MPZ: variants seen among roughly 807,000 people sequenced by gnomAD.
MPZ encodes myelin protein zero, also known as myelin protein P0.
Under a neutral mutation model 27.9 loss-of-function variants are expected in MPZ, and 13 were observed. The observed-to-expected ratio is 0.47, with a 90% CI of 0.30 to 0.74. The LOEUF (loss-of-function observed/expected upper bound fraction) is 0.74, where lower values mean the gene tolerates loss of function less well. Among genes scored for constraint, MPZ ranks in the 30% least tolerant of loss-of-function variants. The pLI, the probability that MPZ is intolerant of heterozygous loss-of-function variation, is 0.06. For synonymous variants in MPZ, 118 were observed against 128.9 expected (o/e 0.92, Z 0.57); for missense variants, 256 against 317.5 (o/e 0.81, Z 1.47).
intron 1 of MPZ, among the ~76,000 whole-genome samples, chr1:161,309,552 A>ATATTTTTTTTTTTTTTTT: frequency 5.2e-4 from 42 of 80,632 alleles, no homozygotes; most frequent in African/African-American, 9.8e-4. Context: ...ATATATATAT[A>ATATTTTTTTTTTTTTTTT]TTTTTTTTTT....
chr1:161,308,207 T>C (rs1346498552), intron 1 of MPZ, among the ~76,000 whole-genome samples: 1 of 152,188 alleles, frequency 6.6e-6, no homozygotes, highest in Non-Finnish European at 1.5e-5. Context: ...CTGTCCTCAT[T>C]GCTGAATCCC....
chr1:161,306,251 TC>T, intron 4 of MPZ, 77 bp downstream of exon 4: 1 of 1,611,648 alleles, frequency 6.2e-7, no homozygotes, highest in Non-Finnish European at 8.5e-7. Context: ...CCCTTGGCCC[TC>T]CCACCCACTG....
chr1:161,309,728 T>C lies in MPZ; in HGVS notation c.67+111A>G, dbSNP rs11579939. ...CTTTCTGAATATAATGTCACCTTCC[T>C]GCTCCTGCTTGTTCTTTCTTTGGTT... On this transcript the variant is annotated intron_variant, in intron 1 of 5. Coordinates refer to ENST00000533357, the MANE Select transcript of MPZ (RefSeq NM_000530.8). The C allele has an allele frequency of 0.091, 81,016 of 892,702 alleles. 4,239 individuals carry two copies. Among genetic ancestry groups the C allele is most frequent in the Non-Finnish European group, 0.11 (59,578 of 547,616 alleles). 55.3% of individuals were successfully genotyped at this position (892,702 alleles called of 1,614,324 possible). A position where few individuals can be genotyped will look rare whatever the true frequency, so the allele number is the denominator to read the frequency against.
chr1:161,306,450 C>T lies in MPZ; in HGVS notation c.463G>A (p.Gly155Arg). ...YVFEKVPTRY[G>R]VVLGAVIGGV... ...CCGATCACAGCTCCCAGAACGACCC[C>T]GTACCTAGTTGGCACTAGGAGGGGT... is the stretch of plus-strand genomic sequence containing the variant. Residue 155 changes from glycine to arginine, a missense_variant, in exon 4 of 6, where the codon GGG (glycine) becomes AGG (arginine). This residue lies in a region of MPZ where 155 missense variants were observed against 223.9 expected (regional missense o/e 0.69). Coordinates refer to ENST00000533357, the MANE Select transcript of MPZ (RefSeq NM_000530.8). 1 of 1,614,174 alleles carries T rather than the reference C, an allele frequency of 6.2e-7. No individual in the cohort carries two copies. The highest frequency in any genetic ancestry group is 1.1e-5 in the South Asian group (1 of 91,084).
chr1:161,307,148 T>G, intron 2 of MPZ, 110 bp downstream of exon 2: 1 of 1,422,314 alleles, frequency 7.0e-7, no homozygotes, highest in Non-Finnish European at 9.7e-7. Context: ...TTGCCAAAGT[T>G]GGGGTTATGG....
At chr1:161,308,916 T>C (rs1324759988) in intron 1 of MPZ, among the ~76,000 whole-genome samples, 1 of 152,092 alleles carries the variant, frequency 6.6e-6, no homozygotes, top group African/African-American at 2.4e-5. Context: ...CTCAAGCAGC[T>C]GACAGCAGAG....
chr1:161,305,897 C>G lies in MPZ; in HGVS notation c.726G>C (p.Glu242Asp), dbSNP rs1236831552. Residue 242 changes from glutamate to aspartate, a missense_variant, in exon 6 of 6, where the codon GAG becomes GAC. Physicochemically the swap from Glu to Asp is conservative, Grantham distance 45. Around this residue, in one of 2 missense-constraint regions of MPZ, gnomAD observed 101 missense variants for 93.6 expected, o/e 1.08. Transcript: ENST00000533357. ...ACCGCTATTTCTTATCCTTGCGAGA[C>G]TCCCCCAGCCCCTTGGCCTTCTTCT... ...VSEKKAKGLGESRKDKK is the reference protein window; with the variant it reads ...VSEKKAKGLGDSRKDKK 1.9e-6 allele frequency: 3 copies of G among 1,613,566 alleles called. No individual in the cohort carries two copies. The highest frequency in any genetic ancestry group is 8.5e-7 in the Non-Finnish European group (1 of 1,179,746).
At position 161,305,853 on chromosome 1, in the gene MPZ, TC is replaced by T; in HGVS notation, c.*22del. Reference sequence around the variant, plus strand: ...GGCGGACTCCACCCCTAACCCCCGATCCCCCGCCCGGCCCGCTAACCGCTAT... The same window carrying T: ...GGCGGACTCCACCCCTAACCCCCGATCCCCGCCCGGCCCGCTAACCGCTAT... On this transcript the variant is annotated 3_prime_UTR_variant, in exon 6 of 6. Coordinates refer to ENST00000533357, the MANE Select transcript of MPZ (RefSeq NM_000530.8). The T allele has an allele frequency of 7.1e-7, 1 of 1,413,986 alleles. No homozygotes were observed. Among genetic ancestry groups the T allele is most frequent in the Non-Finnish European group, 9.9e-7 (1 of 1,008,938 alleles). 87.6% of individuals were successfully genotyped at this position (1,413,986 alleles called of 1,614,324 possible). A position where few individuals can be genotyped will look rare whatever the true frequency, so the allele number is the denominator to read the frequency against.
chr1:161,306,554 A>G (rs1474306591), intron 3 of MPZ, 90 bp from the exon 4 acceptor site: 3 of 1,586,944 alleles, frequency 1.9e-6, no homozygotes, highest in Non-Finnish European at 8.7e-7. Context: ...TTGAGGATGT[A>G]GGACTCCCAG....
intron 3 of MPZ, 46 bp from the exon 4 acceptor site, chr1:161,306,510 A>G: frequency 6.2e-7 from 1 of 1,613,580 alleles, no homozygotes; most frequent in Non-Finnish European, 8.5e-7. Context: ...AGGGCCCTGT[A>G]TCTGTGGTTC....
At chr1:161,306,243 C>T in intron 4 of MPZ, 75 bp from the exon 5 acceptor site, 2 of 1,612,300 alleles carry the variant, frequency 1.2e-6, no homozygotes, top group South Asian at 1.1e-5. Context: ...TCCTCTTCCC[C>T]TTGGCCCTCC....
chr1:161,305,758 C>G lies in MPZ; in HGVS notation c.*118G>C. 1.4e-6 allele frequency: 1 copy of G among 727,136 alleles called. No individual in the cohort carries two copies. The highest frequency in any genetic ancestry group is 2.3e-6 in the Non-Finnish European group (1 of 438,556). The allele number at this position is 727,136 out of a possible 1,614,324, so 45.0% of individuals were successfully genotyped here. A position where few individuals can be genotyped will look rare whatever the true frequency, so the allele number is the denominator to read the frequency against. On this transcript the variant is annotated 3_prime_UTR_variant, in exon 6 of 6. Transcript: ENST00000533357. The stretch of plus-strand genomic sequence containing the variant: ...CTGGTTCTGCTGGGGGACTTGACAG[C>G]AGGCCGGAGCTCCGGGCTCTGCTCA...
In MPZ at chr1:161,305,783, A is replaced by G; in HGVS notation, c.*93T>C. The G allele has an allele frequency of 1.1e-6, 1 of 948,192 alleles. No individual in the cohort carries two copies. The highest frequency in any genetic ancestry group is 1.6e-6 in the Non-Finnish European group (1 of 617,638). The allele number at this position is 948,192 out of a possible 1,614,324, so 58.7% of individuals were successfully genotyped here. On this transcript the variant is annotated 3_prime_UTR_variant, in exon 6 of 6. Transcript: ENST00000533357. ...CAGGCCGGAGCTCCGGGCTCTGCTC[A>G]TCCTTTCGTAGCTCCATCTCGATGA...
chr1:161,306,543 AT>A, intron 3 of MPZ, 79 bp from the exon 4 acceptor site: 1 of 1,596,450 alleles, frequency 6.3e-7, no homozygotes, highest in Non-Finnish European at 8.6e-7. Context: ...TATGCCCTGC[AT>A]TGAGGATGTA....
chr1:161,309,552 A>ATATATTTTTTTTTTTTTTTTTTT, intron 1 of MPZ, among the ~76,000 whole-genome samples: 3 of 80,666 alleles, frequency 3.7e-5, no homozygotes, highest in Admixed American at 1.3e-4. Flanking sequence ...ATATATATAT[A>ATATATTTTTTTTTTTTTTTTTTT]TTTTTTTTTT....
chr1:161,306,256 C>T lies in MPZ; in HGVS notation c.584+73G>A. The T allele has an allele frequency of 2.5e-6, 4 of 1,612,436 alleles. No homozygotes were observed. The South Asian group carries it at 3.3e-5, about 13-fold the overall frequency. On this transcript the variant is annotated intron_variant, in intron 4 of 5. Coordinates refer to ENST00000533357, the MANE Select transcript of MPZ (RefSeq NM_000530.8). ...CTTCCTCTTCCCCTTGGCCCTCCCA[C>T]CCACTGGAGTAGTCTCCGCCCAGAT... is the stretch of plus-strand genomic sequence containing the variant.
downstream of MPZ, among the ~76,000 whole-genome samples, chr1:161,303,938 A>G (rs1670169042): frequency 6.6e-6 from 1 of 152,160 alleles, no homozygotes; most frequent in South Asian, 2.1e-4. Context: ...GGTGTTAATC[A>G]TATCTTTAGC....
At position 161,305,276 on chromosome 1, in the gene MPZ, G is replaced by A. The variant is rs1244123991; in HGVS notation, c.*600C>T. 1.3e-5 allele frequency: 2 copies of A among 153,966 alleles called. No individual in the cohort carries two copies. The highest frequency in any genetic ancestry group is 4.8e-5 in the African/African-American group (2 of 41,406). 9.5% of individuals were successfully genotyped at this position (153,966 alleles called of 1,614,324 possible). A position where few individuals can be genotyped will look rare whatever the true frequency, so the allele number is the denominator to read the frequency against. On this transcript the variant is annotated 3_prime_UTR_variant, in exon 6 of 6. Coordinates refer to ENST00000533357, the MANE Select transcript of MPZ (RefSeq NM_000530.8). Reference sequence around the variant, plus strand: ...GGGTGCTCTGGGTATTAGCTGGGGGGACAGAGTATGGAGCTGGGCCACCTG... The same window carrying A: ...GGGTGCTCTGGGTATTAGCTGGGGGAACAGAGTATGGAGCTGGGCCACCTG...
chr1:161,309,552 A>ATATATATTTTT, intron 1 of MPZ, among the ~76,000 whole-genome samples: 7 of 80,640 alleles, frequency 8.7e-5, no homozygotes, highest in African/African-American at 3.5e-4. Flanking sequence ...ATATATATAT[A>ATATATATTTTT]TTTTTTTTTT....
Sources: allele counts gnomAD v4.1 joint callset (sites outside exome capture counted in the v4.1 genomes callset), GRCh38; gene constraint gnomAD v4.1.1; regional missense constraint gnomAD v4.1.1; transcripts MANE v1.5; gene names NCBI Gene and HGNC (gene_info 2026-07-23, HGNC 2026-07-21).